Variants in GHR observed in about 807,000 individuals in gnomAD.
GHR encodes the protein GH receptor.
In GHR, 35 loss-of-function variants were observed where a neutral mutation model predicts 67.1. That is an observed-to-expected ratio of 0.52 (90% CI 0.40 to 0.69). GHR has a LOEUF of 0.69. Among genes scored for constraint, GHR ranks in the 30% least tolerant of loss-of-function variants. The pLI is 0.00. For missense variants in GHR, 792 were observed against 764.6 expected (o/e 1.04, Z -0.42); for synonymous variants, 272 against 269.1 (o/e 1.01, Z -0.10).
At chr5:42,541,881 G>A (rs138360426) in intron 1 of GHR, among the ~76,000 whole-genome samples, 3 of 152,298 alleles carry the variant, frequency 2.0e-5, no homozygotes, top group African/African-American at 7.2e-5. Flanking sequence ...ACTCTTGAAT[G>A]AATAGATTAG....
chr5:42,511,799 G>A (rs542439778), intron 1 of GHR, among the ~76,000 whole-genome samples: 1 of 152,130 alleles, frequency 6.6e-6, no homozygotes, highest in Non-Finnish European at 1.5e-5. Context: ...ACTACCCTTC[G>A]GGGTATTCAG....
At chr5:42,479,389 G>T (rs1218292956) in intron 1 of GHR, among the ~76,000 whole-genome samples, 2 of 152,206 alleles carry the variant, frequency 1.3e-5, no homozygotes, top group Middle Eastern at 3.2e-3. Context: ...TCAGGATGAT[G>T]CTAGCCTCAT....
intron 3 of GHR, among the ~76,000 whole-genome samples, chr5:42,664,047 G>T (rs1354481859): frequency 2.6e-5 from 4 of 152,124 alleles, no homozygotes; most frequent in African/African-American, 7.2e-5. Context: ...GGACATGAAG[G>T]ACCTCTTCAA....
chr5:42,563,633 AAAAAAAAAAAAAAAAAATAC>A (rs1437090329), intron 1 of GHR, among the ~76,000 whole-genome samples: 1 of 149,734 alleles, frequency 6.7e-6, no homozygotes, highest in Non-Finnish European at 1.5e-5. Flanking sequence ...TCAAAAAAAA[AAAAAAAAAAAAAAAAAATAC>A]AAAAATTAGC....
intron 1 of GHR, among the ~76,000 whole-genome samples, chr5:42,451,809 G>A (rs1482478514): frequency 3.3e-5 from 5 of 151,828 alleles, no homozygotes; most frequent in Middle Eastern, 3.4e-3. Flanking sequence ...TATGTGTTAC[G>A]TGGGTCTCTT....
chr5:42,637,042 T>G (rs1754230048), intron 3 of GHR, among the ~76,000 whole-genome samples: 1 of 152,020 alleles, frequency 6.6e-6, no homozygotes, highest in Non-Finnish European at 1.5e-5. Flanking sequence ...TACCTCTGTG[T>G]TTTTTTTCTT....
intron 1 of GHR, among the ~76,000 whole-genome samples, chr5:42,485,103 T>G (rs1182992073): frequency 6.6e-6 from 1 of 152,184 alleles, no homozygotes; most frequent in Non-Finnish European, 1.5e-5. Flanking sequence ...GTTTACCCAT[T>G]ATTTTCAGGC....
At chr5:42,563,510 C>T (rs1162312008) in intron 1 of GHR, among the ~76,000 whole-genome samples, 8 of 148,604 alleles carry the variant, frequency 5.4e-5, no homozygotes, top group African/African-American at 1.2e-4. Context: ...CCCAGCTACT[C>T]GGGAGGCTGA....
chr5:42,468,126 C>A, intron 1 of GHR: 1 of 1,246,488 alleles, frequency 8.0e-7, no homozygotes, highest in Non-Finnish European at 1.2e-6. Context: ...TTCTTGGTTT[C>A]AGCACCTTTT....
At chr5:42,510,149 A>T (rs902733654) in intron 1 of GHR, among the ~76,000 whole-genome samples, 2 of 151,598 alleles carry the variant, frequency 1.3e-5, no homozygotes, top group East Asian at 3.9e-4. Context: ...GTCCCCCTTG[A>T]CTCCTTTCTT....
At chr5:42,479,017 G>A (rs1421152720) in intron 1 of GHR, among the ~76,000 whole-genome samples, 1 of 152,146 alleles carries the variant, frequency 6.6e-6, no homozygotes, top group East Asian at 1.9e-4. Context: ...TATTGGCTGT[G>A]AGTTTGTCAT....
chr5:42,517,331 A>G (rs548207263), intron 1 of GHR, among the ~76,000 whole-genome samples: 1 of 152,186 alleles, frequency 6.6e-6, no homozygotes, highest in African/African-American at 2.4e-5. Flanking sequence ...AAACGAAACA[A>G]GAGTGCTGAA....
intron 1 of GHR, among the ~76,000 whole-genome samples, chr5:42,452,241 G>T (rs952154131): frequency 2.0e-5 from 3 of 152,164 alleles, no homozygotes; most frequent in Non-Finnish European, 4.4e-5. Context: ...GCTCCCTTCT[G>T]ATTGGCAAGG....
chr5:42,504,734 G>A (rs1335923603), intron 1 of GHR, among the ~76,000 whole-genome samples: 1 of 152,268 alleles, frequency 6.6e-6, no homozygotes, highest in East Asian at 1.9e-4. Context: ...ACTCCAGCCT[G>A]AGAACGGAGC....
intron 5 of GHR, among the ~76,000 whole-genome samples, chr5:42,698,398 T>C (rs1052775721): frequency 2.6e-5 from 4 of 152,196 alleles, no homozygotes; most frequent in African/African-American, 9.6e-5. Context: ...TTTAAACGGT[T>C]AAGCTTTGAT....
chr5:42,570,458 TC>T (rs1750227928), intron 2 of GHR, among the ~76,000 whole-genome samples: 1 of 152,232 alleles, frequency 6.6e-6, no homozygotes, highest in Admixed American at 6.5e-5. Flanking sequence ...ACATAAAAAG[TC>T]TTTCAAGAAG....
At chr5:42,674,838 T>C (rs1756493315) in intron 3 of GHR, among the ~76,000 whole-genome samples, 1 of 152,172 alleles carries the variant, frequency 6.6e-6, no homozygotes, top group South Asian at 2.1e-4. Flanking sequence ...TGTGATCATA[T>C]GTGTTTGCTT....
intron 1 of GHR, among the ~76,000 whole-genome samples, chr5:42,487,364 C>T (rs949485684): frequency 9.2e-5 from 14 of 152,168 alleles, no homozygotes; most frequent in Non-Finnish European, 5.9e-5. Context: ...ATTGACTATG[C>T]TATTTTTAAC....
intron 1 of GHR, among the ~76,000 whole-genome samples, chr5:42,551,857 A>G (rs531857834): frequency 1.3e-5 from 2 of 152,320 alleles, no homozygotes; most frequent in South Asian, 4.1e-4. Flanking sequence ...CTCATTTGAG[A>G]GTAAAGTTTT....
Sources: gnomAD v4.1 joint callset for allele counts (sites outside exome capture counted in the v4.1 genomes callset) on GRCh38, gnomAD v4.1.1 for gene constraint, MANE v1.5 for transcripts, NCBI Gene and HGNC (gene_info 2026-07-23, HGNC 2026-07-21) for gene names.